XIRP2: variants seen among roughly 807,000 people sequenced by gnomAD.
XIRP2 encodes the protein xin actin-binding repeat-containing protein 2.
XIRP2 carries 236 observed loss-of-function variants against 277.0 expected under a neutral mutation model. The ratio of observed to expected loss-of-function variants is 0.85; its 90% CI spans 0.77 to 0.95. XIRP2 has a LOEUF of 0.95. Ranked by LOEUF, XIRP2 falls within the 40% of genes least tolerant of loss-of-function variation. The pLI is 0.00. For missense variants in XIRP2, 4,640 were observed against 4,157.5 expected (o/e 1.12, Z -3.19); for synonymous variants, 1,490 against 1,416.5 (o/e 1.05, Z -1.17).
intron 3 of XIRP2, among the ~76,000 whole-genome samples, chr2:167,140,628 T>A (rs1030108040): frequency 1.3e-5 from 2 of 152,204 alleles, no homozygotes; most frequent in African/African-American, 4.8e-5. Flanking sequence ...CTTCCCTACC[T>A]ACTGTACCTT....
At chr2:167,096,221 T>C (rs1191799454) in intron 2 of XIRP2, among the ~76,000 whole-genome samples, 1 of 152,166 alleles carries the variant, frequency 6.6e-6, no homozygotes, top group African/African-American at 2.4e-5. Context: ...TGCCTCAATT[T>C]CAGAACTTGT....
In XIRP2 at chr2:167,248,423, T is replaced by G; in HGVS notation, c.7031T>G (p.Leu2344Arg). Residue 2344 changes from leucine (L) to arginine (R), a missense_variant, in exon 9 of 11, where the codon CTC becomes CGC. By Grantham distance (102) the Leu-to-Arg change is moderately radical. Transcript: ENST00000409195. ...IKAEFESFPG[L>R]PLPPPPVDEK... is the part of the protein sequence containing the mutation. ...GCTGAATTTGAAAGTTTTCCAGGCC[T>G]CCCTCTTCCTCCACCTCCAGTAGAT... 6.2e-7 allele frequency: 1 copy of G among 1,613,720 alleles called. No individual in the cohort carries two copies. The highest frequency in any genetic ancestry group is 8.5e-7 in the Non-Finnish European group (1 of 1,179,818).
chr2:167,030,102 C>CT (rs1381738674), intron 2 of XIRP2, among the ~76,000 whole-genome samples: 1 of 152,014 alleles, frequency 6.6e-6, no homozygotes, highest in African/African-American at 2.4e-5. Flanking sequence ...ATTCTTCCCT[C>CT]TTTTATTCTT....
At chr2:167,034,347 A>G (rs1320687215) in intron 2 of XIRP2, among the ~76,000 whole-genome samples, 1 of 152,090 alleles carries the variant, frequency 6.6e-6, no homozygotes, top group Admixed American at 6.5e-5. Flanking sequence ...AGAAAAAATT[A>G]CCTTTTCAAA....
chr2:167,039,338 T>C (rs1325098340), intron 2 of XIRP2, among the ~76,000 whole-genome samples: 1 of 152,206 alleles, frequency 6.6e-6, no homozygotes, highest in Non-Finnish European at 1.5e-5. Flanking sequence ...ACTCATTTAT[T>C]CAACAGTATT....
chr2:167,026,264 A>G (rs1282559152), intron 2 of XIRP2, among the ~76,000 whole-genome samples: 2 of 152,030 alleles, frequency 1.3e-5, no homozygotes, highest in Non-Finnish European at 2.9e-5. Flanking sequence ...TTTATCAGAG[A>G]CTAGGATTGC....
chr2:167,245,186 C>T lies in XIRP2; in HGVS notation c.3794C>T (p.Thr1265Ile), dbSNP rs138376962. Residue 1265 changes from threonine to isoleucine, a missense_variant, in exon 9 of 11, where the codon ACA becomes ATA. Transcript: ENST00000409195. The part of the protein sequence containing the change: ...QEGDECVKTV[T>I]DIQGGDVRKG... ...GGTGATGAATGTGTTAAGACGGTGA[C>T]AGACATACAAGGTGGGGATGTAAGA... 309 of 1,612,916 alleles carry T rather than the reference C, an allele frequency of 1.9e-4. 1 individual carries two copies. In the African/African-American group the frequency reaches 3.3e-3, roughly 17 times the overall value.
At chr2:166,976,150 A>G (rs2105426569) in intron 2 of XIRP2, among the ~76,000 whole-genome samples, 1 of 152,248 alleles carries the variant, frequency 6.6e-6, no homozygotes, top group African/African-American at 2.4e-5. Context: ...CCCCAGTCCT[A>G]CTAGGCCCAG....
chr2:167,132,353 G>A (rs771307024), intron 2 of XIRP2, among the ~76,000 whole-genome samples: 8 of 152,158 alleles, frequency 5.3e-5, no homozygotes, highest in Non-Finnish European at 8.8e-5. Context: ...TAGAGACCAG[G>A]AAGGCTGCCA....
intron 3 of XIRP2, among the ~76,000 whole-genome samples, chr2:167,146,214 A>G (rs956395543): frequency 6.6e-6 from 1 of 152,126 alleles, no homozygotes. Context: ...ATTTAATTAT[A>G]CAGAACTGGG....
At position 167,247,313 on chromosome 2, in the gene XIRP2, A is replaced by T. The variant is rs1224806111; in HGVS notation, c.5921A>T (p.Asn1974Ile). Residue 1974 changes from asparagine to isoleucine, a missense_variant, in exon 9 of 11, where the codon AAT becomes ATT. Coordinates refer to ENST00000409195, the MANE Select transcript of XIRP2 (RefSeq NM_152381.6). ...CAGGTTGCTGTCCAGAGGAACAAAA[A>T]TAGTCTTCTTCAGCCAAAGCCAGGT... The part of the protein sequence containing the change: ...IHQVAVQRNK[N>I]SLLQPKPGPF... The T allele has an allele frequency of 3.1e-6, 5 of 1,613,728 alleles. No homozygotes were observed. The highest frequency in any genetic ancestry group is 4.2e-6 in the Non-Finnish European group (5 of 1,179,824).
intron 3 of XIRP2, among the ~76,000 whole-genome samples, chr2:167,182,535 T>G (rs16853164): frequency 0.098 from 14,982 of 152,206 alleles, 777 homozygotes; most frequent in South Asian, 0.15. Flanking sequence ...GTAGTGCTTG[T>G]ATAGAACTTT....
At chr2:167,224,377 G>A (rs1403883286) in intron 5 of XIRP2, among the ~76,000 whole-genome samples, 2 of 151,970 alleles carry the variant, frequency 1.3e-5, no homozygotes, top group African/African-American at 2.4e-5. Flanking sequence ...GGGACCACAG[G>A]CATATGCCAC....
At chr2:166,910,727 C>T (rs2105345529) in intron 2 of XIRP2, among the ~76,000 whole-genome samples, 1 of 152,240 alleles carries the variant, frequency 6.6e-6, no homozygotes, top group Non-Finnish European at 1.5e-5. Flanking sequence ...TTAGATTTTT[C>T]CTGCTTTCTC....
At chr2:167,193,962 T>C (rs1693426197) in intron 3 of XIRP2, among the ~76,000 whole-genome samples, 1 of 151,898 alleles carries the variant, frequency 6.6e-6, no homozygotes, top group South Asian at 2.1e-4. Flanking sequence ...TCAAACTAAA[T>C]TATAATAATA....
At chr2:167,169,471 TG>T (rs1292202868) in intron 3 of XIRP2, among the ~76,000 whole-genome samples, 1 of 152,226 alleles carries the variant, frequency 6.6e-6, no homozygotes, top group Admixed American at 6.5e-5. Flanking sequence ...GTTTCTGCAC[TG>T]GTAAGTTTTG....
At chr2:166,958,082 G>A (rs1331007652) in intron 2 of XIRP2, among the ~76,000 whole-genome samples, 1 of 151,804 alleles carries the variant, frequency 6.6e-6, no homozygotes, top group Non-Finnish European at 1.5e-5. Flanking sequence ...ATTTGCCCTT[G>A]AAATGTGAGC....
intron 2 of XIRP2, among the ~76,000 whole-genome samples, chr2:167,039,546 GAT>G (rs1346524231): frequency 6.6e-6 from 1 of 152,250 alleles, no homozygotes; most frequent in East Asian, 1.9e-4. Flanking sequence ...TGAAGCAGAA[GAT>G]AGAGCCGTAT....
intron 2 of XIRP2, among the ~76,000 whole-genome samples, chr2:166,998,663 A>G (rs1687288174): frequency 1.3e-5 from 2 of 152,098 alleles, no homozygotes; most frequent in South Asian, 4.1e-4. Context: ...ATGAAAACCA[A>G]AACTCAACTC....
Sources: allele counts gnomAD v4.1 joint callset (sites outside exome capture counted in the v4.1 genomes callset), GRCh38; gene constraint gnomAD v4.1.1; transcripts MANE v1.5; gene names NCBI Gene and HGNC (gene_info 2026-07-23, HGNC 2026-07-21).